The following ZEB1 variants were observed in gnomAD, a reference collection of about 807,000 sequenced individuals.
ZEB1 encodes zinc finger E-box binding homeobox 1.
Under a neutral mutation model 84.9 loss-of-function variants are expected in ZEB1, and 21 were observed. That is an observed-to-expected ratio of 0.25 (90% CI 0.18 to 0.36). The LOEUF (loss-of-function observed/expected upper bound fraction) is 0.36, where lower values mean the gene tolerates loss of function less well. Ranked by LOEUF, ZEB1 falls within the 10% of genes least tolerant of loss-of-function variation. The pLI is 1.00. For missense variants in ZEB1, 1,104 were observed against 1,330.2 expected (o/e 0.83, Z 2.65); for synonymous variants, 420 against 471.1 (o/e 0.89, Z 1.41).
chr10:31,482,260 T>G (rs2065139320), intron 2 of ZEB1, among the ~76,000 whole-genome samples: 1 of 151,958 alleles, frequency 6.6e-6, no homozygotes, highest in African/African-American at 2.4e-5. Flanking sequence ...ATCTAATAAT[T>G]AGAAAACATC....
intron 1 of ZEB1, among the ~76,000 whole-genome samples, chr10:31,421,858 C>T (rs1033726907): frequency 6.6e-6 from 1 of 152,034 alleles, no homozygotes; most frequent in African/African-American, 2.4e-5. Flanking sequence ...CTATAAAGTG[C>T]CTGACCTGTG....
intron 1 of ZEB1, chr10:31,363,913 G>A: frequency 7.6e-7 from 1 of 1,311,472 alleles, no homozygotes. Flanking sequence ...AATTCCCCGG[G>A]CAGGCACAGG....
chr10:31,490,985 A>AGGG (rs2066449942), intron 2 of ZEB1, among the ~76,000 whole-genome samples: 1 of 151,728 alleles, frequency 6.6e-6, no homozygotes, highest in Non-Finnish European at 1.5e-5. Flanking sequence ...TGTACCACCC[A>AGGG]GGGTCCAATC....
intron 2 of ZEB1, among the ~76,000 whole-genome samples, chr10:31,486,307 A>G (rs1244597195): frequency 2.6e-5 from 4 of 151,760 alleles, no homozygotes; most frequent in African/African-American, 7.2e-5. Flanking sequence ...GAAACTGCCA[A>G]ACTTTTCCAG....
intron 1 of ZEB1, among the ~76,000 whole-genome samples, chr10:31,430,889 G>A (rs161265): frequency 0.078 from 11,875 of 152,174 alleles, 657 homozygotes; most frequent in African/African-American, 0.16. Context: ...CATTTAAATA[G>A]CAGTTATTTT....
At chr10:31,412,391 T>C (rs2054469069) in intron 1 of ZEB1, among the ~76,000 whole-genome samples, 1 of 152,170 alleles carries the variant, frequency 6.6e-6, no homozygotes, top group Non-Finnish European at 1.5e-5. Flanking sequence ...GTATATCTCC[T>C]GATGCTATCC....
chr10:31,471,176 T>C (rs1328790506), intron 2 of ZEB1, among the ~76,000 whole-genome samples: 1 of 120,428 alleles, frequency 8.3e-6, no homozygotes, highest in Non-Finnish European at 1.7e-5. Flanking sequence ...AATCACCTGC[T>C]AACATCATAA....
At chr10:31,320,067 G>C (rs1032397489) in intron 1 of ZEB1, 1 of 151,458 alleles carries the variant, frequency 6.6e-6, no homozygotes, top group African/African-American at 2.4e-5. Context: ...CGGGGGCGCG[G>C]GTCCCTAAGC....
At chr10:31,321,596 A>G (rs2132935496) in intron 1 of ZEB1, 11 of 1,613,248 alleles carry the variant, frequency 6.8e-6, no homozygotes, top group Non-Finnish European at 9.3e-6. Flanking sequence ...CGCCAGAGAA[A>G]GGGGCTTTTC....
chr10:31,349,160 G>A (rs1440968107), intron 1 of ZEB1, among the ~76,000 whole-genome samples: 1 of 152,164 alleles, frequency 6.6e-6, no homozygotes, highest in African/African-American at 2.4e-5. Flanking sequence ...GTATAAGTGA[G>A]ATCATTGGCA....
chr10:31,319,058 A>C, upstream of ZEB1: 1 of 626,920 alleles, frequency 1.6e-6, no homozygotes, highest in Non-Finnish European at 2.9e-6. Flanking sequence ...CCCTAGCAAC[A>C]AGGTTCCGGC....
At chr10:31,409,064 C>A (rs1285423218) in intron 1 of ZEB1, among the ~76,000 whole-genome samples, 1 of 152,160 alleles carries the variant, frequency 6.6e-6, no homozygotes, top group Non-Finnish European at 1.5e-5. Context: ...AAACATACAA[C>A]CCCATCAAAA....
At chr10:31,403,679 C>T (rs954468211) in intron 1 of ZEB1, among the ~76,000 whole-genome samples, 1 of 151,962 alleles carries the variant, frequency 6.6e-6, no homozygotes, top group African/African-American at 2.4e-5. Flanking sequence ...ACACTGCCTC[C>T]TTTAAAAGAT....
At chr10:31,390,556 C>G (rs566533324) in intron 1 of ZEB1, among the ~76,000 whole-genome samples, 1 of 152,248 alleles carries the variant, frequency 6.6e-6, no homozygotes, top group East Asian at 1.9e-4. Context: ...CATCTAACAG[C>G]ACAACGCTGC....
At chr10:31,335,629 A>AT (rs1312886394) in intron 1 of ZEB1, among the ~76,000 whole-genome samples, 1 of 152,088 alleles carries the variant, frequency 6.6e-6, no homozygotes, top group East Asian at 1.9e-4. Context: ...TGATAAAGGC[A>AT]TTTTTTTCCA....
chr10:31,422,872 C>T (rs1309865676), intron 1 of ZEB1, among the ~76,000 whole-genome samples: 1 of 151,890 alleles, frequency 6.6e-6, no homozygotes, highest in Non-Finnish European at 1.5e-5. Flanking sequence ...ATCTTTATGT[C>T]TATGTGTGCC....
At chr10:31,447,254 T>G (rs2059911488) in intron 1 of ZEB1, among the ~76,000 whole-genome samples, 1 of 151,470 alleles carries the variant, frequency 6.6e-6, no homozygotes. Context: ...TTTTTTAATT[T>G]TCCATTTGCT....
chr10:31,364,712 C>G (rs2044119964), intron 1 of ZEB1, among the ~76,000 whole-genome samples: 1 of 152,208 alleles, frequency 6.6e-6, no homozygotes. Context: ...TGAGACCATT[C>G]CTCAGGTCAT....
intron 2 of ZEB1, among the ~76,000 whole-genome samples, chr10:31,472,767 T>G (rs2063458477): frequency 7.1e-6 from 1 of 140,568 alleles, no homozygotes; most frequent in Non-Finnish European, 1.5e-5. Flanking sequence ...AAAGAGAATT[T>G]TAGACCAATA....
Sources: gnomAD v4.1 joint callset for allele counts (sites outside exome capture counted in the v4.1 genomes callset) on GRCh38, gnomAD v4.1.1 for gene constraint, MANE v1.5 for transcripts, NCBI Gene and HGNC (gene_info 2026-07-23, HGNC 2026-07-21) for gene names.